SPICE1: variants seen among roughly 807,000 people sequenced by gnomAD.
SPICE1 encodes spindle and centriole-associated protein 1.
Under a neutral mutation model 102.7 loss-of-function variants are expected in SPICE1, and 75 were observed. The observed-to-expected ratio is 0.73, with a 90% CI of 0.61 to 0.88. The LOEUF (loss-of-function observed/expected upper bound fraction) is 0.88. Ranked by LOEUF, SPICE1 falls within the 40% of genes least tolerant of loss-of-function variation. The probability of loss-of-function intolerance (pLI) is 0.00; values close to 1 mark genes in which losing one functional copy is unlikely to be tolerated. For missense variants in SPICE1, 979 were observed against 1,020.1 expected (o/e 0.96, Z 0.55); for synonymous variants, 308 against 350.3 (o/e 0.88, Z 1.35).
rs767698205 is a variant in SPICE1 at position 113,460,743 on chromosome 3, C to A, written c.1309G>T (p.Val437Phe). 3 of 1,608,122 alleles carry A rather than the reference C, an allele frequency of 1.9e-6. No homozygotes were observed. In the South Asian group the frequency reaches 3.3e-5, roughly 18 times the overall value. The change falls in exon 12 of 18, where the codon GTC becomes TTC. Residue 437 changes from valine to phenylalanine, a missense_variant. Val to Phe is a conservative substitution (Grantham distance 50). Coordinates refer to ENST00000295872, the MANE Select transcript of SPICE1 (RefSeq NM_144718.4). ...ATQARLQQYM[V>F]TTDEQLISLT... is the part of the protein sequence containing the mutation. ...GATATCAGTTGCTCATCTGTTGTGA[C>A]CATGTACTGCTGAAGTCTTGCCTGG...
intron 11 of SPICE1, among the ~76,000 whole-genome samples, 171 bp downstream of exon 11, chr3:113,465,482 A>G (rs1416777881): frequency 6.6e-6 from 1 of 152,240 alleles, no homozygotes. Flanking sequence ...CTTCTACTAT[A>G]GTACTTCCAT....
At chr3:113,506,422 C>A in intron 2 of SPICE1, 85 bp downstream of exon 2, 1 of 1,080,642 alleles carries the variant, frequency 9.3e-7, no homozygotes, top group South Asian at 1.3e-5. Flanking sequence ...CCATTCAGAA[C>A]ACCATCTTGC....
chr3:113,509,122 C>A (rs753503173), intron 1 of SPICE1, among the ~76,000 whole-genome samples: 1 of 152,036 alleles, frequency 6.6e-6, no homozygotes, highest in African/African-American at 2.4e-5. Flanking sequence ...TATAGTGTTT[C>A]TTTGGGGAGT....
chr3:113,484,824 G>C (rs1194521812), intron 7 of SPICE1, among the ~76,000 whole-genome samples: 2 of 152,138 alleles, frequency 1.3e-5, no homozygotes, highest in African/African-American at 4.8e-5. Context: ...GAGGTACTGA[G>C]AAGAATGTAT....
In SPICE1 at chr3:113,445,271, A is replaced by G. The variant is rs765278537; in HGVS notation, c.*36T>C. 1.9e-6 allele frequency: 3 copies of G among 1,570,320 alleles called. No homozygotes were observed. In the Admixed American group the frequency reaches 5.2e-5, roughly 27 times the overall value. On this transcript the variant is annotated 3_prime_UTR_variant, in exon 18 of 18. Coordinates refer to ENST00000295872, the MANE Select transcript of SPICE1 (RefSeq NM_144718.4). ...CAGAGCAGGGAAAGGGAAGTAATAAATTATTAAGAACAAACTCAGTGAGAC... is the reference window on the plus strand; with the variant it reads ...CAGAGCAGGGAAAGGGAAGTAATAAGTTATTAAGAACAAACTCAGTGAGAC...
intron 7 of SPICE1, among the ~76,000 whole-genome samples, chr3:113,485,838 C>T (rs1340232431): frequency 6.6e-6 from 1 of 152,172 alleles, no homozygotes; most frequent in Non-Finnish European, 1.5e-5. Flanking sequence ...AAATCATGTC[C>T]TTTGCAGGGA....
chr3:113,474,212 G>T (rs1436936083), intron 7 of SPICE1, among the ~76,000 whole-genome samples: 1 of 151,648 alleles, frequency 6.6e-6, no homozygotes, highest in African/African-American at 2.4e-5. Flanking sequence ...AATGGTAAAG[G>T]GATCAATTCA....
chr3:113,474,799 G>A (rs1936297144), intron 7 of SPICE1, among the ~76,000 whole-genome samples: 1 of 151,814 alleles, frequency 6.6e-6, no homozygotes, highest in Non-Finnish European at 1.5e-5. Flanking sequence ...GTGTGTAGAG[G>A]GAAATTTATA....
At chr3:113,512,056 A>G (rs1361669585) in intron 1 of SPICE1, among the ~76,000 whole-genome samples, 2 of 152,252 alleles carry the variant, frequency 1.3e-5, no homozygotes, top group Non-Finnish European at 2.9e-5. Flanking sequence ...TTACTTATTC[A>G]GAAGCTAAAA....
chr3:113,514,282 T>C (rs1203146305), intron 1 of SPICE1: 2 of 205,942 alleles, frequency 9.7e-6, no homozygotes, highest in African/African-American at 2.4e-5. Context: ...TAGTTATGAC[T>C]GGACTTAGTA....
chr3:113,445,217 C>T lies in SPICE1; in HGVS notation c.*90G>A. On this transcript the variant is annotated 3_prime_UTR_variant, in exon 18 of 18. Transcript: ENST00000295872. ...TTCACAGGATCTTTGTAGGTTTTAT[C>T]TGAAAGAAGGATATAAAAACTTAAA... 2.0e-6 allele frequency: 2 copies of T among 984,072 alleles called. No homozygotes were observed. Among genetic ancestry groups the T allele is most frequent in the Non-Finnish European group, 3.1e-6 (2 of 647,338 alleles). 61.0% of individuals were successfully genotyped at this position (984,072 alleles called of 1,614,324 possible).
Position 113,445,250 on chromosome 3 carries a change from G to T in SPICE1, c.*57C>A. 1 of 1,413,840 alleles carries T rather than the reference G, an allele frequency of 7.1e-7. No individual in the cohort carries two copies. The highest frequency in any genetic ancestry group is 9.9e-7 in the Non-Finnish European group (1 of 1,010,056). 87.6% of individuals were successfully genotyped at this position (1,413,840 alleles called of 1,614,324 possible). A position where few individuals can be genotyped will look rare whatever the true frequency, so the allele number is the denominator to read the frequency against. On this transcript the variant is annotated 3_prime_UTR_variant, in exon 18 of 18. Coordinates refer to ENST00000295872, the MANE Select transcript of SPICE1 (RefSeq NM_144718.4). ...AGGATATAAAAACTTAAAAGTCAGA[G>T]CAGGGAAAGGGAAGTAATAAATTAT...
At chr3:113,493,975 C>T in intron 5 of SPICE1, 74 bp downstream of exon 5, 1 of 1,019,558 alleles carries the variant, frequency 9.8e-7, no homozygotes, top group Non-Finnish European at 1.5e-6. Context: ...TAAGAAAGGA[C>T]TTTAAATTCT....
Position 113,493,326 on chromosome 3 carries a change from A to G in SPICE1, c.386-14T>C. The G allele has an allele frequency of 1.2e-6, 2 of 1,601,092 alleles. No individual in the cohort carries two copies. The highest frequency in any genetic ancestry group is 8.6e-7 in the Non-Finnish European group (1 of 1,168,400). On this transcript the variant is annotated splice_polypyrimidine_tract_variant and intron_variant, in intron 5 of 17. Transcript: ENST00000295872. Reference sequence around the variant, plus strand: ...CATTTGGAAACCCTGCAAAAGGAAAAGAAGTTGTGATGATTTGTTTCATTT... The same window carrying G: ...CATTTGGAAACCCTGCAAAAGGAAAGGAAGTTGTGATGATTTGTTTCATTT...
At chr3:113,467,236 AATTCTGTGGC>A (rs554535750) in intron 10 of SPICE1, among the ~76,000 whole-genome samples, 27 of 152,342 alleles carry the variant, frequency 1.8e-4, no homozygotes, top group Non-Finnish European at 2.9e-4. Context: ...AGCTAACTCT[AATTCTGTGGC>A]ATTCTGTGGA....
In SPICE1 at chr3:113,458,861, G is replaced by A. The variant is rs1047270096; in HGVS notation, c.1436-1504C>T. On this transcript the variant is annotated intron_variant, in intron 12 of 17. Coordinates refer to ENST00000295872, the MANE Select transcript of SPICE1 (RefSeq NM_144718.4). ...AGGTGAAGAGCGCCTCTGCCCGGCCGCCCCGTCTGGGAAGTGAGGAGCCCC... is the reference window on the plus strand; with the variant it reads ...AGGTGAAGAGCGCCTCTGCCCGGCCACCCCGTCTGGGAAGTGAGGAGCCCC... 1.1e-4 allele frequency among the ~76,000 whole-genome samples: 17 copies of A among 148,078 alleles called. No homozygotes were observed. In the South Asian group the frequency reaches 1.3e-3, roughly 11 times the overall value.
rs562678329 is a variant in SPICE1 at position 113,482,258 on chromosome 3, TG to T, written c.611+6686del. 2.9e-3 allele frequency among the ~76,000 whole-genome samples: 446 copies of T among 152,334 alleles called. 3 individuals are homozygous for T. Among genetic ancestry groups the T allele is most frequent in the African/African-American group, 0.01 (423 of 41,578 alleles). On this transcript the variant is annotated intron_variant, in intron 7 of 17. Transcript: ENST00000295872. Reference sequence around the variant, plus strand: ...TCCTCCACCTACTTTTTGATGGGGTTGTTTTTTTCTTGTAAATTTGTTTAAG... The same window carrying T: ...TCCTCCACCTACTTTTTGATGGGGTTTTTTTTTCTTGTAAATTTGTTTAAG...
chr3:113,494,125 G>T lies in SPICE1; in HGVS notation c.309C>A (p.Tyr103Ter). The T allele has an allele frequency of 6.2e-7, 1 of 1,607,446 alleles. No individual in the cohort carries two copies. ...ATTTCTCCAACACATCTTGCATCTG[G>T]TATTGATCAGAAAGAATCTAGACAT... ...SIMKEILSDQ[Y>*]QMQDVLEKSD... Residue 103 changes from tyrosine to a stop codon, truncating the protein, a stop_gained, in exon 5 of 18, where the codon TAC becomes TAA. Coordinates refer to ENST00000295872, the MANE Select transcript of SPICE1 (RefSeq NM_144718.4). LOFTEE classifies it high-confidence loss of function.
chr3:113,500,749 T>A (rs1936993044), intron 3 of SPICE1, among the ~76,000 whole-genome samples: 1 of 152,198 alleles, frequency 6.6e-6, no homozygotes. Context: ...ATTTAAAAAA[T>A]ATTAACTCAG....
Sources: allele counts gnomAD v4.1 joint callset (sites outside exome capture counted in the v4.1 genomes callset), GRCh38; gene constraint gnomAD v4.1.1; transcripts MANE v1.5; gene names NCBI Gene and HGNC (gene_info 2026-07-23, HGNC 2026-07-21).